SMURF1: variants seen among roughly 807,000 people sequenced by gnomAD.
SMURF1 encodes SMAD specific E3 ubiquitin protein ligase 1.
Under a neutral mutation model 98.0 loss-of-function variants are expected in SMURF1, and 44 were observed. The observed-to-expected ratio is 0.45, with a 90% CI of 0.35 to 0.58. The LOEUF is 0.58. Among genes scored for constraint, SMURF1 ranks in the 20% least tolerant of loss-of-function variants. The pLI is 0.00. For missense variants in SMURF1, 687 were observed against 938.4 expected (o/e 0.73, Z 3.50); for synonymous variants, 396 against 374.9 (o/e 1.06, Z -0.65).
At chr7:99,064,743 A>G (rs1053277270) in intron 1 of SMURF1, among the ~76,000 whole-genome samples, 2 of 152,206 alleles carry the variant, frequency 1.3e-5, no homozygotes, top group African/African-American at 4.8e-5. Context: ...TAATCTTTAT[A>G]TACTTCCTTT....
chr7:99,045,819 A>G lies in SMURF1; in HGVS notation c.1153-18T>C. ...TAAGACTCCTGAAGAGCAACATCAC[A>G]GTTTCAGAGAGAAGAACATTCTTAT... is the stretch of plus-strand genomic sequence containing the variant. On this transcript the variant is annotated intron_variant, in intron 10 of 17. Transcript: ENST00000361368. The G allele has an allele frequency of 6.4e-7, 1 of 1,557,714 alleles. No individual in the cohort carries two copies. Among genetic ancestry groups the G allele is most frequent in the Non-Finnish European group, 8.9e-7 (1 of 1,128,294 alleles).
chr7:99,056,033 T>C (rs895505138), intron 5 of SMURF1, among the ~76,000 whole-genome samples: 1 of 152,218 alleles, frequency 6.6e-6, no homozygotes, highest in African/African-American at 2.4e-5. Flanking sequence ...AATCTAAATA[T>C]TTATTCTCTA....
rs187715966 is a variant in SMURF1 at position 99,066,401 on chromosome 7, A to G, written c.56-4564T>C. On this transcript the variant is annotated intron_variant, in intron 1 of 17. Transcript: ENST00000361368. ...ACAAATATTAATCTTTGCTCATACA[A>G]TGTTTGAGTTTAAGGCTCATTCCAG... 5.3e-5 allele frequency among the ~76,000 whole-genome samples: 8 copies of G among 152,284 alleles called. No homozygotes were observed. In the East Asian group the frequency reaches 5.8e-4, roughly 11 times the overall value.
chr7:99,132,769 G>A (rs750258370), intron 1 of SMURF1, among the ~76,000 whole-genome samples: 2 of 151,226 alleles, frequency 1.3e-5, no homozygotes, highest in South Asian at 4.2e-4. Context: ...GATTAAACTC[G>A]CCACATTTGA....
chr7:99,061,913 G>T, intron 1 of SMURF1, 76 bp from the exon 2 acceptor site: 3 of 1,053,580 alleles, frequency 2.8e-6, no homozygotes, highest in South Asian at 3.8e-5. Flanking sequence ...ATTTACACCC[G>T]AACAAAAAGA....
chr7:99,040,208 C>G (rs1795318326), intron 13 of SMURF1, among the ~76,000 whole-genome samples, 170 bp downstream of exon 13: 1 of 146,652 alleles, frequency 6.8e-6, no homozygotes, highest in Admixed American at 6.6e-5. Context: ...AATTGATCTG[C>G]CCGCCTCCGC....
chr7:99,136,333 G>C (rs1797991980), intron 1 of SMURF1, among the ~76,000 whole-genome samples: 1 of 152,068 alleles, frequency 6.6e-6, no homozygotes, highest in Non-Finnish European at 1.5e-5. Flanking sequence ...GATTTTGAAG[G>C]CTCTTTATAT....
rs78852806 is a variant in SMURF1 at position 99,068,452 on chromosome 7, A to C, written c.56-6615T>G. On this transcript the variant is annotated intron_variant, in intron 1 of 17. Transcript: ENST00000361368. ...ACTATAGGCATGCACCACTATGCTC[A>C]GCTAATTTTCCTATTTTTAAAAAAT... Among the ~76,000 whole-genome samples the C allele has an allele frequency of 2.6e-3, 402 of 152,194 alleles. 15 individuals are homozygous for C. The East Asian group carries it at 0.063, about 24-fold the overall frequency.
chr7:99,079,582 A>T (rs145342920), intron 1 of SMURF1, among the ~76,000 whole-genome samples: 5 of 152,240 alleles, frequency 3.3e-5, no homozygotes, highest in Non-Finnish European at 7.3e-5. Flanking sequence ...AGCTAACTAC[A>T]TACTAAGCTA....
At chr7:99,094,914 C>G (rs912759869) in intron 1 of SMURF1, among the ~76,000 whole-genome samples, 2 of 152,264 alleles carry the variant, frequency 1.3e-5, no homozygotes, top group Non-Finnish European at 2.9e-5. Context: ...GCCAGAGGCT[C>G]CCTCAGTTTG....
intron 1 of SMURF1, among the ~76,000 whole-genome samples, chr7:99,128,462 C>T (rs1271758135): frequency 6.6e-6 from 1 of 152,184 alleles, no homozygotes; most frequent in Non-Finnish European, 1.5e-5. Context: ...TACCAGGCTC[C>T]TAAGGGAAAT....
intron 15 of SMURF1, chr7:99,036,168 G>A (rs1464026329): frequency 1.0e-5 from 2 of 198,258 alleles, no homozygotes; most frequent in South Asian, 9.0e-5. Flanking sequence ...GCATGTTTCC[G>A]CAATTGGCTT....
intron 11 of SMURF1, among the ~76,000 whole-genome samples, chr7:99,044,044 G>A (rs1795486652): frequency 6.6e-6 from 1 of 152,212 alleles, no homozygotes; most frequent in Non-Finnish European, 1.5e-5. Context: ...TCAAGGGGCA[G>A]TAGAGACAGT....
At chr7:99,047,995 A>AAACAAATTCTCCCT in intron 9 of SMURF1, 113 bp from the exon 10 acceptor site, 1 of 997,904 alleles carries the variant, frequency 1.0e-6, no homozygotes, top group Non-Finnish European at 1.5e-6. Flanking sequence ...AACTTCAGGG[A>AAACAAATTCTCCCT]GAATTTGTTT....
At chr7:99,055,698 C>T (rs1795860288) in intron 5 of SMURF1, among the ~76,000 whole-genome samples, 1 of 152,050 alleles carries the variant, frequency 6.6e-6, no homozygotes, top group South Asian at 2.1e-4. Context: ...GGCACAGTGG[C>T]TCACACCTGT....
At position 99,050,902 on chromosome 7, in the gene SMURF1, G is replaced by C. The variant is rs546550539; in HGVS notation, c.806+455C>G. The C allele has an allele frequency of 1.4e-4, 183 of 1,308,888 alleles. 2 individuals carry two copies. The African/African-American group carries it at 2.2e-3, about 16-fold the overall frequency. The allele number at this position is 1,308,888 out of a possible 1,614,324, so 81.1% of individuals were successfully genotyped here. On this transcript the variant is annotated intron_variant, in intron 8 of 17. Coordinates refer to ENST00000361368, the MANE Select transcript of SMURF1 (RefSeq NM_181349.3). Reference sequence around the variant, plus strand: ...TTAACTCTGTTATGGGGTGGGGGGGGGGTCTCTCTAACCTGGGCTCAGATG... The same window carrying C: ...TTAACTCTGTTATGGGGTGGGGGGGCGGTCTCTCTAACCTGGGCTCAGATG...
At chr7:99,041,525 T>C (rs1338972997) in intron 12 of SMURF1, among the ~76,000 whole-genome samples, 2 of 152,190 alleles carry the variant, frequency 1.3e-5, no homozygotes, top group Non-Finnish European at 2.9e-5. Context: ...TCTGCTTCCA[T>C]GTTGGTAAAA....
intron 17 of SMURF1, among the ~76,000 whole-genome samples, chr7:99,031,717 G>A (rs2150487690): frequency 6.6e-6 from 1 of 152,360 alleles, no homozygotes; most frequent in South Asian, 2.1e-4. Flanking sequence ...CCATTTCACA[G>A]GTGTGGAAAA....
At chr7:99,040,578 A>C in intron 12 of SMURF1, 22 bp from the exon 13 acceptor site, 1 of 1,403,428 alleles carries the variant, frequency 7.1e-7, no homozygotes. Flanking sequence ...ACCAGAGAAC[A>C]CGAATTTGTC....
Sources: gnomAD v4.1 joint callset for allele counts (sites outside exome capture counted in the v4.1 genomes callset) on GRCh38, gnomAD v4.1.1 for gene constraint, MANE v1.5 for transcripts, NCBI Gene and HGNC (gene_info 2026-07-23, HGNC 2026-07-21) for gene names.